The following MAST2 variants were observed in gnomAD, a reference collection of about 807,000 sequenced individuals.
MAST2 encodes the protein microtubule associated serine/threonine kinase 2, also known as microtubule-associated serine/threonine-protein kinase 2.
MAST2 carries 70 observed loss-of-function variants against 147.4 expected under a neutral mutation model. The observed-to-expected ratio is 0.47, with a 90% confidence interval of 0.39 to 0.58. The LOEUF is 0.58. Among genes scored for constraint, MAST2 ranks in the 20% least tolerant of loss-of-function variants. The pLI, the probability that MAST2 is intolerant of heterozygous loss-of-function variation, is 0.00. For missense variants in MAST2, 2,080 were observed against 2,302.3 expected, an observed-to-expected ratio of 0.90 and a Z score of 1.98; for synonymous variants, 869 against 896.8, an observed-to-expected ratio of 0.97 and a Z score of 0.55.
intron 2 of MAST2, among the ~76,000 whole-genome samples, chr1:45,828,947 C>T (rs566794919): frequency 1.3e-5 from 2 of 150,008 alleles, no homozygotes; most frequent in East Asian, 2.0e-4. Context: ...AGCCAAAAAA[C>T]AAAAATCATT....
chr1:45,926,157 G>A (rs550815181), intron 4 of MAST2, among the ~76,000 whole-genome samples: 1 of 152,246 alleles, frequency 6.6e-6, no homozygotes, highest in East Asian at 1.9e-4. Context: ...AGTGGTGGTA[G>A]GCAGATTACT....
At chr1:45,942,299 T>C (rs568156715) in intron 4 of MAST2, among the ~76,000 whole-genome samples, 2 of 152,208 alleles carry the variant, frequency 1.3e-5, no homozygotes, top group Non-Finnish European at 2.9e-5. Flanking sequence ...AAGCAGCTTT[T>C]TCTTTTATTC....
At chr1:45,900,342 C>G (rs1649561081) in intron 4 of MAST2, among the ~76,000 whole-genome samples, 1 of 151,722 alleles carries the variant, frequency 6.6e-6, no homozygotes, top group Non-Finnish European at 1.5e-5. Flanking sequence ...ATTCCCTTTT[C>G]TCTGCATCCT....
At chr1:45,888,462 A>G (rs1389857243) in intron 4 of MAST2, among the ~76,000 whole-genome samples, 1 of 151,868 alleles carries the variant, frequency 6.6e-6, no homozygotes, top group Non-Finnish European at 1.5e-5. Context: ...TCCCGGGTTC[A>G]CACCATTCTC....
intron 4 of MAST2, among the ~76,000 whole-genome samples, chr1:45,882,942 T>C (rs1646914007): frequency 6.6e-6 from 1 of 152,220 alleles, no homozygotes; most frequent in Non-Finnish European, 1.5e-5. Context: ...TAAATTCTCT[T>C]GGACTGCTTT....
intron 5 of MAST2, 87 bp downstream of exon 5, chr1:45,959,564 C>T (rs1570935843): frequency 3.7e-6 from 4 of 1,070,494 alleles, no homozygotes; most frequent in Middle Eastern, 2.4e-4. Context: ...TGTGCAGTTC[C>T]GTATATTACA....
intron 12 of MAST2, 48 bp downstream of exon 12, chr1:46,022,130 A>G: frequency 6.2e-7 from 1 of 1,607,910 alleles, no homozygotes; most frequent in Non-Finnish European, 8.5e-7. Flanking sequence ...TGCTGCTGGC[A>G]AGCTCTAACA....
Position 45,824,567 on chromosome 1 carries a change from C to T in MAST2, c.312C>T (p.Ala104=), listed in dbSNP as rs1477172880. The change falls in exon 2 of 29, where the codon GCC becomes GCT. Residue 104 remains alanine (A), a synonymous_variant. Transcript: ENST00000361297. Reference sequence around the variant, plus strand: ...GTAAGTTATGGAGAGGAAACCTGGCCAGCTCTCTATCGGGTAAATATCTGA... The same window carrying T: ...GTAAGTTATGGAGAGGAAACCTGGCTAGCTCTCTATCGGGTAAATATCTGA... ...DDCKLWRGNL[A]SSLSGKQLLP... The T allele has an allele frequency of 1.9e-6, 3 of 1,598,750 alleles. No individual in the cohort carries two copies. Among genetic ancestry groups the T allele is most frequent in the Non-Finnish European group, 1.7e-6 (2 of 1,170,520 alleles).
At chr1:46,012,868 C>T (rs1271820748) in intron 10 of MAST2, among the ~76,000 whole-genome samples, 1 of 151,996 alleles carries the variant, frequency 6.6e-6, no homozygotes, top group African/African-American at 2.4e-5. Context: ...CCAGGCTGGT[C>T]TCAAACTCCT....
chr1:45,945,579 G>T (rs1657910445), intron 4 of MAST2, among the ~76,000 whole-genome samples: 1 of 152,112 alleles, frequency 6.6e-6, no homozygotes, highest in Non-Finnish European at 1.5e-5. Flanking sequence ...GAGGAAGGAG[G>T]TAGAAAAGAA....
intron 4 of MAST2, among the ~76,000 whole-genome samples, chr1:45,935,616 C>A (rs1656075711): frequency 6.6e-6 from 1 of 152,180 alleles, no homozygotes. Context: ...ATACGGCTAG[C>A]CAGTTATCCC....
At chr1:45,812,064 G>A (rs1285680320) in intron 1 of MAST2, among the ~76,000 whole-genome samples, 6 of 152,116 alleles carry the variant, frequency 3.9e-5, no homozygotes, top group South Asian at 2.1e-4. Flanking sequence ...GCCACCGCGC[G>A]CGGCACAGGA....
Position 46,031,966 on chromosome 1 carries a change from A to G in MAST2, c.3188-212A>G, listed in dbSNP as rs1018469408. On this transcript the variant is annotated intron_variant, in intron 24 of 28. Coordinates refer to ENST00000361297, the MANE Select transcript of MAST2 (RefSeq NM_015112.3). The surrounding 1 kb of genome is among the most constrained non-coding windows in gnomAD (Gnocchi z 4.1). ...ATGACAAGCTTATATAGTCCCTGATACACACATAAATGCTAGCTGCCATTT... is the reference window on the plus strand; with the variant it reads ...ATGACAAGCTTATATAGTCCCTGATGCACACATAAATGCTAGCTGCCATTT... Among the ~76,000 whole-genome samples the G allele has an allele frequency of 3.9e-5, 6 of 152,204 alleles. No homozygotes were observed. The highest frequency in any genetic ancestry group is 5.9e-5 in the Non-Finnish European group (4 of 68,034).
intron 4 of MAST2, among the ~76,000 whole-genome samples, chr1:45,899,744 T>C (rs1029671577): frequency 3.9e-5 from 6 of 152,194 alleles, no homozygotes; most frequent in African/African-American, 1.4e-4. Flanking sequence ...GAATTTGTAT[T>C]GTGAATAGTG....
chr1:45,934,280 C>G lies in MAST2; in HGVS notation c.501-25106C>G, dbSNP rs79124427. Among the ~76,000 whole-genome samples, 536 of 152,270 alleles carry G rather than the reference C, an allele frequency of 3.5e-3. 6 individuals carry two copies. The highest frequency in any genetic ancestry group is 0.034 in the East Asian group (174 of 5,154). ...TGGGCGGATCATGAGGTCAGGAGAT[C>G]GAGACCACCCTAGCTAACACGGTGA... On this transcript the variant is annotated intron_variant, in intron 4 of 28. Coordinates refer to ENST00000361297, the MANE Select transcript of MAST2 (RefSeq NM_015112.3).
chr1:45,877,942 G>A (rs1043941400), intron 3 of MAST2, among the ~76,000 whole-genome samples: 4 of 152,136 alleles, frequency 2.6e-5, no homozygotes, highest in African/African-American at 4.8e-5. Context: ...GGTGGCTCAC[G>A]CCTGTAATCC....
chr1:45,908,334 CT>C (rs1468528997), intron 4 of MAST2, among the ~76,000 whole-genome samples: 1 of 152,146 alleles, frequency 6.6e-6, no homozygotes, highest in African/African-American at 2.4e-5. Flanking sequence ...TCTCCCAATG[CT>C]ATCCCTCCCT....
At chr1:45,899,934 G>A (rs1649460636) in intron 4 of MAST2, among the ~76,000 whole-genome samples, 1 of 151,802 alleles carries the variant, frequency 6.6e-6, no homozygotes, top group Admixed American at 6.6e-5. Flanking sequence ...TACTTTGGGA[G>A]GCTGAGGCAA....
At chr1:45,904,818 T>C (rs1292307812) in intron 4 of MAST2, among the ~76,000 whole-genome samples, 1 of 151,976 alleles carries the variant, frequency 6.6e-6, no homozygotes, top group Non-Finnish European at 1.5e-5. Context: ...GCAATGCCAC[T>C]TTTTTTGAGA....
Sources: allele counts gnomAD v4.1 joint callset (sites outside exome capture counted in the v4.1 genomes callset), GRCh38; gene constraint gnomAD v4.1.1; non-coding constraint Gnocchi (gnomAD v3.1); transcripts MANE v1.5; gene names NCBI Gene and HGNC (gene_info 2026-07-23, HGNC 2026-07-21).